The following CLEC16A variants were observed in gnomAD, a reference collection of about 807,000 sequenced individuals.
The protein encoded by CLEC16A is C-type lectin domain containing 16A.
A neutral mutation model predicts 109.5 loss-of-function variants in CLEC16A; 51 were observed. The ratio of observed to expected loss-of-function variants is 0.47; its 90% confidence interval spans 0.37 to 0.59. The LOEUF (loss-of-function observed/expected upper bound fraction) is 0.59, where lower values mean the gene tolerates loss of function less well. Ranked by LOEUF, CLEC16A falls within the 20% of genes least tolerant of loss-of-function variation. The pLI is 0.00. For missense variants in CLEC16A, 1,339 were observed against 1,394.0 expected (o/e 0.96, Z 0.63); for synonymous variants, 673 against 564.2 (o/e 1.19, Z -2.73).
At position 11,123,923 on chromosome 16, in the gene CLEC16A, G is replaced by C; in HGVS notation, c.2450G>C (p.Arg817Pro). 4 of 1,611,320 alleles carry C rather than the reference G, an allele frequency of 2.5e-6. No homozygotes were observed. Among genetic ancestry groups the C allele is most frequent in the Non-Finnish European group, 3.4e-6 (4 of 1,178,796 alleles). ...RLAKGRIQAR[R>P]MKMQRIAALL... Reference sequence around the variant, plus strand: ...GCCAAAGGCCGCATCCAGGCAAGGCGCATGAAGATGCAGAGAATAGCTGGT... The same window carrying C: ...GCCAAAGGCCGCATCCAGGCAAGGCCCATGAAGATGCAGAGAATAGCTGGT... The change falls in exon 21 of 24, where the codon CGC (arginine) becomes CCC (proline). Residue 817 changes from arginine to proline, a missense_variant. Arg to Pro is a moderately radical substitution (Grantham distance 103). Transcript: ENST00000409790.
At chr16:11,075,186 C>T (rs902788359) in intron 19 of CLEC16A, among the ~76,000 whole-genome samples, 11 of 152,206 alleles carry the variant, frequency 7.2e-5, no homozygotes, top group Admixed American at 3.3e-4. Flanking sequence ...GAAATGGGAC[C>T]ATGGTTTTGA....
intron 19 of CLEC16A, among the ~76,000 whole-genome samples, chr16:11,078,676 C>T (rs1413390224): frequency 6.6e-6 from 1 of 152,152 alleles, no homozygotes; most frequent in African/African-American, 2.4e-5. Context: ...CGTCGTTGAG[C>T]AGGTTTTAGA....
intron 19 of CLEC16A, among the ~76,000 whole-genome samples, chr16:11,081,508 T>C (rs568628552): frequency 3.2e-4 from 49 of 151,938 alleles, no homozygotes; most frequent in Non-Finnish European, 6.8e-4. Context: ...CTCCCCAAGC[T>C]CTCCTTTCCT....
chr16:11,152,072 A>C (rs2054311606), intron 22 of CLEC16A, among the ~76,000 whole-genome samples: 1 of 152,248 alleles, frequency 6.6e-6, no homozygotes, highest in Non-Finnish European at 1.5e-5. Context: ...AGCATTGAAC[A>C]GCAGATGCCT....
chr16:11,102,835 G>C (rs1396879239), intron 19 of CLEC16A, among the ~76,000 whole-genome samples: 1 of 152,210 alleles, frequency 6.6e-6, no homozygotes, highest in African/African-American at 2.4e-5. Flanking sequence ...AAACATCATT[G>C]AGTTTTCATA....
At chr16:10,997,152 A>G (rs1055898793) in intron 10 of CLEC16A, among the ~76,000 whole-genome samples, 3 of 152,104 alleles carry the variant, frequency 2.0e-5, no homozygotes, top group Admixed American at 6.6e-5. Flanking sequence ...TGTAGAGACA[A>G]GGTCTCACCA....
chr16:11,141,091 G>A (rs2053803589), intron 22 of CLEC16A, among the ~76,000 whole-genome samples: 1 of 152,246 alleles, frequency 6.6e-6, no homozygotes, highest in Non-Finnish European at 1.5e-5. Context: ...TGGCAAGCCA[G>A]CACTCCCAGC....
intron 19 of CLEC16A, among the ~76,000 whole-genome samples, chr16:11,098,340 T>C (rs1448890889): frequency 6.6e-6 from 1 of 152,236 alleles, no homozygotes; most frequent in Non-Finnish European, 1.5e-5. Flanking sequence ...ACGCCGAGGA[T>C]GCAGAAAGGG....
chr16:10,996,692 A>T (rs921218635), intron 10 of CLEC16A, among the ~76,000 whole-genome samples: 4 of 152,076 alleles, frequency 2.6e-5, no homozygotes, highest in African/African-American at 2.4e-5. Flanking sequence ...TGCATGGGCC[A>T]TGTGGCAATA....
Position 11,120,707 on chromosome 16 carries a change from G to C in CLEC16A, c.2209G>C (p.Val737Leu). 6.2e-7 allele frequency: 1 copy of C among 1,608,296 alleles called. No individual in the cohort carries two copies. The highest frequency in any genetic ancestry group is 8.5e-7 in the Non-Finnish European group (1 of 1,177,332). ...TGTGGATATTTACCAGATGAGTTTG[G>C]TGGAGCCTGATGTGTCCAGGCTTGG... ...LAVDIYQMSLVEPDVSRLGWG... is the reference protein window; with the variant it reads ...LAVDIYQMSLLEPDVSRLGWG... The change falls in exon 20 of 24, where the codon GTG becomes CTG. Residue 737 changes from valine to leucine, a missense_variant. Physicochemically the swap from Val to Leu is conservative, Grantham distance 32 (BLOSUM62 1). This residue lies in a region of CLEC16A where 1,061 missense variants were observed against 1,006.8 expected (regional missense o/e 1.05). Coordinates refer to ENST00000409790, the MANE Select transcript of CLEC16A (RefSeq NM_015226.3).
At chr16:11,091,641 C>G (rs1190790774) in intron 19 of CLEC16A, among the ~76,000 whole-genome samples, 1 of 152,180 alleles carries the variant, frequency 6.6e-6, no homozygotes, top group African/African-American at 2.4e-5. Context: ...TGCTTGCCAA[C>G]CAGGTGACCT....
At chr16:11,099,832 C>G (rs1297743060) in intron 19 of CLEC16A, among the ~76,000 whole-genome samples, 1 of 152,182 alleles carries the variant, frequency 6.6e-6, no homozygotes, top group Non-Finnish European at 1.5e-5. Flanking sequence ...CTGCCTGGGA[C>G]CCACGTGCTG....
chr16:11,115,135 T>A (rs76742180), intron 19 of CLEC16A, among the ~76,000 whole-genome samples: 2 of 152,198 alleles, frequency 1.3e-5, no homozygotes, highest in East Asian at 3.9e-4. Flanking sequence ...ACAAACCCCA[T>A]TGACACTGAC....
At chr16:11,052,051 T>G (rs2047973445) in intron 18 of CLEC16A, among the ~76,000 whole-genome samples, 1 of 152,214 alleles carries the variant, frequency 6.6e-6, no homozygotes, top group Non-Finnish European at 1.5e-5. Flanking sequence ...TGTTAAGGCA[T>G]CTACCTGCTC....
At chr16:11,133,586 C>T (rs1457755677) in intron 22 of CLEC16A, among the ~76,000 whole-genome samples, 5 of 152,056 alleles carry the variant, frequency 3.3e-5, no homozygotes, top group Admixed American at 6.5e-5. Context: ...AGCCTCTGAC[C>T]GCCATCCAAA....
chr16:10,962,405 G>C, intron 2 of CLEC16A, 50 bp from the exon 3 acceptor site: 2 of 1,610,148 alleles, frequency 1.2e-6, no homozygotes, highest in South Asian at 1.1e-5. Context: ...AATAATTTCT[G>C]TTTCCACATG....
chr16:11,128,919 G>A (rs1444999469), intron 22 of CLEC16A, among the ~76,000 whole-genome samples: 1 of 152,180 alleles, frequency 6.6e-6, no homozygotes, highest in Non-Finnish European at 1.5e-5. Flanking sequence ...GATCATTCTA[G>A]TACTTAAATC....
intron 3 of CLEC16A, among the ~76,000 whole-genome samples, chr16:10,963,481 G>T (rs1191429676): frequency 6.6e-6 from 1 of 152,198 alleles, no homozygotes; most frequent in Non-Finnish European, 1.5e-5. Context: ...CTATTAAAGA[G>T]TTGGGGTCGC....
chr16:11,180,789 C>T lies in CLEC16A; in HGVS notation c.*2099C>T, dbSNP rs1001775138. On this transcript the variant is annotated 3_prime_UTR_variant, in exon 24 of 24. Coordinates refer to ENST00000409790, the MANE Select transcript of CLEC16A (RefSeq NM_015226.3). ...CACGGGTGGGCCACCAGCCTGCTGT[C>T]AGAAGTCTCTGGGCTCCAACTGGTC... is the stretch of plus-strand genomic sequence containing the variant. 1.3e-5 allele frequency: 2 copies of T among 152,332 alleles called. No individual in the cohort carries two copies. Among genetic ancestry groups the T allele is most frequent in the African/African-American group, 4.8e-5 (2 of 41,454 alleles). 9.4% of individuals were successfully genotyped at this position (152,332 alleles called of 1,614,324 possible).
Sources: gnomAD v4.1 joint callset for allele counts (sites outside exome capture counted in the v4.1 genomes callset) on GRCh38, gnomAD v4.1.1 for gene constraint, gnomAD v4.1.1 regional missense constraint, MANE v1.5 for transcripts, NCBI Gene and HGNC (gene_info 2026-07-23, HGNC 2026-07-21) for gene names.